ACTR3C: variants seen among roughly 807,000 people sequenced by gnomAD.
The protein encoded by ACTR3C is actin-related protein 3C.
ACTR3C carries 18 observed loss-of-function variants against 26.3 expected under a neutral mutation model. The observed-to-expected ratio is 0.68, with a 90% CI of 0.47 to 1.01. The LOEUF is 1.01. Among genes scored for constraint, ACTR3C ranks in the 50% least tolerant of loss-of-function variants. The pLI, the probability that ACTR3C is intolerant of heterozygous loss-of-function variation, is 0.00. For missense variants in ACTR3C, 184 were observed against 250.7 expected, an observed-to-expected ratio of 0.73 and a Z score of 1.80; for synonymous variants, 55 against 94.5, an observed-to-expected ratio of 0.58 and a Z score of 2.42.
At chr7:149,944,675 C>T in the ACTR3C span, among the ~76,000 whole-genome samples, 2 of 151,846 alleles carry the variant, frequency 1.3e-5, no homozygotes, top group Non-Finnish European at 2.9e-5. Flanking sequence ...AATTATGTCT[C>T]CTCCTTCACC....
At chr7:150,071,016 G>A in the ACTR3C span, among the ~76,000 whole-genome samples, 1,714 of 142,384 alleles carry the variant, frequency 0.012, 19 homozygotes, top group African/African-American at 0.022. Context: ...GGATGGTCTC[G>A]ATCTCCTGAC....
At chr7:150,163,400 G>A in the ACTR3C span, among the ~76,000 whole-genome samples, 1 of 150,768 alleles carries the variant, frequency 6.6e-6, no homozygotes, top group Non-Finnish European at 1.5e-5. Flanking sequence ...GTGTGTGTGT[G>A]TGTATACACA....
chr7:149,918,595 C>G, the ACTR3C span, among the ~76,000 whole-genome samples: 3 of 152,154 alleles, frequency 2.0e-5, no homozygotes, highest in African/African-American at 7.2e-5. Flanking sequence ...GAGGCTGAGA[C>G]AGGAGAATTG....
chr7:150,048,947 G>A, the ACTR3C span, among the ~76,000 whole-genome samples: 1 of 152,148 alleles, frequency 6.6e-6, no homozygotes, highest in Admixed American at 6.5e-5. Context: ...GCCCCGCAGA[G>A]AGCCCGGCTG....
intron 6 of ACTR3C, chr7:150,264,611 C>T (rs1833889356): frequency 3.1e-6 from 3 of 975,310 alleles, no homozygotes. Context: ...TATATTAAAA[C>T]TTCAAAGCAA....
chr7:149,949,393 GGGAAGGAA>G, the ACTR3C span, among the ~76,000 whole-genome samples: 388 of 133,882 alleles, frequency 2.9e-3, 35 homozygotes, highest in African/African-American at 8.4e-3. Flanking sequence ...GAAGGAAGGA[GGGAAGGAA>G]GGAAGGAAGG....
the ACTR3C span, among the ~76,000 whole-genome samples, chr7:150,189,322 G>A: frequency 1.3e-5 from 2 of 152,166 alleles, no homozygotes; most frequent in African/African-American, 4.8e-5. Context: ...TTGTGTGGTT[G>A]TGATACTCAT....
chr7:150,030,585 A>G, the ACTR3C span, among the ~76,000 whole-genome samples: 1 of 152,178 alleles, frequency 6.6e-6, no homozygotes, highest in Non-Finnish European at 1.5e-5. Context: ...TTATAGATGA[A>G]TGAATAAAAT....
At chr7:150,035,126 C>G in the ACTR3C span, among the ~76,000 whole-genome samples, 2 of 137,658 alleles carry the variant, frequency 1.5e-5, 1 homozygote, top group Non-Finnish European at 3.2e-5. Flanking sequence ...CAGGTAGGTC[C>G]TAAGGATCTT....
At chr7:150,009,026 C>A in the ACTR3C span, among the ~76,000 whole-genome samples, 2 of 152,358 alleles carry the variant, frequency 1.3e-5, no homozygotes, top group Admixed American at 1.3e-4. Flanking sequence ...GGTGTTGCCA[C>A]GTGATGGGCC....
the ACTR3C span, chr7:149,881,801 C>A: frequency 2.8e-3 from 429 of 152,910 alleles, 7 homozygotes; most frequent in South Asian, 0.049. Flanking sequence ...GGAAGACAAC[C>A]AGGTGAGTGT....
the ACTR3C span, among the ~76,000 whole-genome samples, chr7:149,962,425 T>G: frequency 1.3e-5 from 2 of 152,118 alleles, no homozygotes; most frequent in African/African-American, 4.8e-5. Context: ...CCTTGTGAAG[T>G]TCAAGGTCAC....
At chr7:150,263,047 ACT>A (rs1191867445) in intron 6 of ACTR3C, among the ~76,000 whole-genome samples, 23 of 152,258 alleles carry the variant, frequency 1.5e-4, no homozygotes, top group African/African-American at 4.8e-4. Flanking sequence ...GAACTAGAAG[ACT>A]CTGTCTAAAT....
At chr7:149,896,055 A>C in the ACTR3C span, among the ~76,000 whole-genome samples, 3 of 147,398 alleles carry the variant, frequency 2.0e-5, no homozygotes, top group Non-Finnish European at 4.5e-5. Context: ...AAAAAAAAAA[A>C]ACACAAAAAC....
At chr7:150,212,258 T>C in the ACTR3C span, among the ~76,000 whole-genome samples, 14 of 147,798 alleles carry the variant, frequency 9.5e-5, 1 homozygote, top group Non-Finnish European at 1.5e-4. Context: ...AAGTACTGCA[T>C]TTGAGGTATA....
At chr7:150,139,005 G>T in the ACTR3C span, among the ~76,000 whole-genome samples, 2 of 152,258 alleles carry the variant, frequency 1.3e-5, no homozygotes, top group Non-Finnish European at 2.9e-5. Context: ...ACAAGTTCAG[G>T]GCTCCCACTG....
the ACTR3C span, among the ~76,000 whole-genome samples, chr7:150,183,764 T>C: frequency 2.0e-5 from 3 of 147,942 alleles, no homozygotes; most frequent in Non-Finnish European, 4.4e-5. Context: ...CACTGTGATA[T>C]GCTTTGGCTC....
chr7:150,036,894 C>G, the ACTR3C span, among the ~76,000 whole-genome samples: 1 of 108,268 alleles, frequency 9.2e-6, no homozygotes. Context: ...TCTCAGTCCC[C>G]GCCTCGCGGG....
At chr7:150,155,916 C>T in the ACTR3C span, among the ~76,000 whole-genome samples, 1 of 151,660 alleles carries the variant, frequency 6.6e-6, no homozygotes, top group Non-Finnish European at 1.5e-5. Context: ...TTTAATGGGC[C>T]ATATTCCAGA....
Sources: allele counts gnomAD v4.1 joint callset (sites outside exome capture counted in the v4.1 genomes callset), GRCh38; gene constraint gnomAD v4.1.1; transcripts MANE v1.5; gene names NCBI Gene and HGNC (gene_info 2026-07-23, HGNC 2026-07-21).